Variants in GARIN4 observed in about 807,000 individuals in gnomAD.
GARIN4 encodes Golgi-associated RAB2 interactor protein 4.
chr1:212,625,818 G>T, the GARIN4 span: 1 of 1,614,186 alleles, frequency 6.2e-7, no homozygotes, highest in African/African-American at 1.3e-5. Context: ...GCCATAGCTG[G>T]GGCGGCCACC....
At chr1:212,625,297 C>G in the GARIN4 span, 1 of 1,614,216 alleles carries the variant, frequency 6.2e-7, no homozygotes, top group Non-Finnish European at 8.5e-7. Flanking sequence ...AACAGCTGCG[C>G]CTGAAGTTCG....
the GARIN4 span, chr1:212,626,019 C>G: frequency 6.2e-7 from 1 of 1,614,222 alleles, no homozygotes; most frequent in Non-Finnish European, 8.5e-7. Flanking sequence ...ACCAGCAGGA[C>G]AGCTGCAGAA....
At chr1:212,624,732 G>T in the GARIN4 span, 14 of 1,405,778 alleles carry the variant, frequency 1.0e-5, no homozygotes, top group Non-Finnish European at 1.3e-5. Flanking sequence ...AACAGTGGGG[G>T]CCTGTGGGGT....
chr1:212,624,815 C>T, the GARIN4 span: 3 of 1,469,876 alleles, frequency 2.0e-6, no homozygotes, highest in Non-Finnish European at 2.7e-6. Flanking sequence ...TCATCTGCCA[C>T]CGAGGCCAAG....
At chr1:212,625,761 C>A in the GARIN4 span, 7 of 1,613,868 alleles carry the variant, frequency 4.3e-6, no homozygotes, top group African/African-American at 9.3e-5. Flanking sequence ...GTAGCAGGTG[C>A]CTTGAGTGTG....
chr1:212,626,072 C>A, the GARIN4 span: 3 of 1,614,138 alleles, frequency 1.9e-6, no homozygotes, highest in Non-Finnish European at 2.5e-6. Flanking sequence ...CTCCACCCGG[C>A]AGAGCAAGAG....
At chr1:212,625,253 T>C in the GARIN4 span, 1 of 1,613,872 alleles carries the variant, frequency 6.2e-7, no homozygotes, top group Non-Finnish European at 8.5e-7. Context: ...GCCCCTGAGG[T>C]TTGTACGGAT....
the GARIN4 span, chr1:212,625,117 C>T: frequency 5.6e-6 from 9 of 1,614,186 alleles, no homozygotes; most frequent in Non-Finnish European, 7.6e-6. Context: ...GCCCCATCCT[C>T]CCACTCCCAG....
chr1:212,625,519 G>C, the GARIN4 span: 2 of 1,614,206 alleles, frequency 1.2e-6, no homozygotes, highest in Non-Finnish European at 8.5e-7. Flanking sequence ...AAGGAAAGGG[G>C]GATCAGGACC....
At chr1:212,625,006 A>G in the GARIN4 span, 2 of 1,614,180 alleles carry the variant, frequency 1.2e-6, no homozygotes, top group Non-Finnish European at 1.7e-6. Flanking sequence ...TCAAGTATGC[A>G]CCGATATTTG....
chr1:212,626,618 A>C, the GARIN4 span: 8 of 1,612,762 alleles, frequency 5.0e-6, no homozygotes, highest in Admixed American at 1.3e-4. Flanking sequence ...GGTTGGTTCT[A>C]TGACACCGGA....
the GARIN4 span, chr1:212,624,817 G>A: frequency 2.3e-5 from 34 of 1,471,448 alleles, no homozygotes; most frequent in Non-Finnish European, 2.9e-5. Flanking sequence ...ATCTGCCACC[G>A]AGGCCAAGGA....
chr1:212,624,877 C>T, the GARIN4 span: 29 of 1,577,702 alleles, frequency 1.8e-5, no homozygotes, highest in Admixed American at 8.9e-5. Flanking sequence ...GAAAGACAAC[C>T]ATGAATGCTG....
the GARIN4 span, chr1:212,625,256 G>A: frequency 2.5e-6 from 4 of 1,614,200 alleles, no homozygotes; most frequent in Non-Finnish European, 3.4e-6. Flanking sequence ...CCTGAGGTTT[G>A]TACGGATCTC....
At chr1:212,626,112 G>A in the GARIN4 span, 4 of 1,614,030 alleles carry the variant, frequency 2.5e-6, no homozygotes, top group South Asian at 1.1e-5. Context: ...GGAAGGGAGC[G>A]AACCCAGGCC....
At chr1:212,625,222 C>T in the GARIN4 span, 3 of 1,614,148 alleles carry the variant, frequency 1.9e-6, no homozygotes, top group East Asian at 2.2e-5. Flanking sequence ...CAGCAAAGAA[C>T]TTAGAGCTCA....
the GARIN4 span, chr1:212,626,594 CA>C: frequency 6.2e-7 from 1 of 1,613,992 alleles, no homozygotes; most frequent in Non-Finnish European, 8.5e-7. Context: ...AGAGGGTGGC[CA>C]GGGGCTGGAG....
At chr1:212,626,070 G>A in the GARIN4 span, 127 of 1,614,180 alleles carry the variant, frequency 7.9e-5, no homozygotes, top group South Asian at 8.1e-4. Flanking sequence ...GTCTCCACCC[G>A]GCAGAGCAAG....
At chr1:212,625,058 G>A in the GARIN4 span, 1 of 1,614,058 alleles carries the variant, frequency 6.2e-7, no homozygotes, top group African/African-American at 1.3e-5. Context: ...AGAAGTGATT[G>A]ATGTGCACAA....
Sources: gnomAD v4.1 joint callset for allele counts on GRCh38, gnomAD v4.1.1 for gene constraint, MANE v1.5 for transcripts, NCBI Gene and HGNC (gene_info 2026-07-23, HGNC 2026-07-21) for gene names.